PTPRD: variants seen among roughly 807,000 people sequenced by gnomAD.
The protein encoded by PTPRD is receptor-type tyrosine-protein phosphatase delta.
In PTPRD, 34 loss-of-function variants were observed where a neutral mutation model predicts 214.5. The observed-to-expected ratio is 0.16, with a 90% CI of 0.12 to 0.21. The LOEUF is 0.21. Ranked by LOEUF, PTPRD falls within the 10% of genes least tolerant of loss-of-function variation. PTPRD has a pLI of 1.00. For synonymous variants in PTPRD, 1,128 were observed against 845.7 expected (o/e 1.33, Z -5.79); for missense variants, 2,545 against 2,398.7 (o/e 1.06, Z -1.27).
At chr9:10,274,741 A>C (rs1405777047) in intron 3 of PTPRD, among the ~76,000 whole-genome samples, 2 of 152,146 alleles carry the variant, frequency 1.3e-5, no homozygotes, top group African/African-American at 4.8e-5. Context: ...TATTCCATTT[A>C]AATATTTTAA....
chr9:10,060,950 T>TTCTC (rs1217022209), intron 3 of PTPRD, among the ~76,000 whole-genome samples: 2 of 132,692 alleles, frequency 1.5e-5, no homozygotes, highest in South Asian at 2.4e-4. Context: ...CTTTCTTTCT[T>TTCTC]TCTCTCTCTT....
chr9:9,706,573 G>A (rs1366378947), intron 7 of PTPRD, among the ~76,000 whole-genome samples: 1 of 151,874 alleles, frequency 6.6e-6, no homozygotes, highest in Admixed American at 6.6e-5. Context: ...CCGAGTAGAT[G>A]GGACTACAGT....
At chr9:9,436,829 A>T (rs1158621706) in intron 8 of PTPRD, among the ~76,000 whole-genome samples, 1 of 152,038 alleles carries the variant, frequency 6.6e-6, no homozygotes, top group Non-Finnish European at 1.5e-5. Context: ...TGGTTCCTGG[A>T]GACTTCAGGC....
chr9:10,547,104 C>A (rs2060328729), intron 2 of PTPRD, among the ~76,000 whole-genome samples: 1 of 152,068 alleles, frequency 6.6e-6, no homozygotes, highest in South Asian at 2.1e-4. Context: ...AATAAACTTT[C>A]TTATTTCAAG....
intron 39 of PTPRD, among the ~76,000 whole-genome samples, chr9:8,354,186 T>G (rs910566992): frequency 1.3e-5 from 2 of 151,910 alleles, no homozygotes; most frequent in Admixed American, 6.6e-5. Flanking sequence ...ATTCTTTTTT[T>G]CACTTTTTCA....
intron 10 of PTPRD, among the ~76,000 whole-genome samples, chr9:9,055,879 T>C (rs1158287298): frequency 6.6e-6 from 1 of 151,516 alleles, no homozygotes; most frequent in Non-Finnish European, 1.5e-5. Context: ...ATGTTATATA[T>C]GTGCTATGAA....
At chr9:10,278,844 G>A (rs191757993) in intron 3 of PTPRD, among the ~76,000 whole-genome samples, 3 of 151,784 alleles carry the variant, frequency 2.0e-5, no homozygotes, top group Non-Finnish European at 2.9e-5. Context: ...GCGCGATCTC[G>A]GCTCACTGCA....
intron 3 of PTPRD, among the ~76,000 whole-genome samples, chr9:10,150,747 C>G (rs2099055418): frequency 6.6e-6 from 1 of 151,388 alleles, no homozygotes; most frequent in Non-Finnish European, 1.5e-5. Context: ...CCTGATACAT[C>G]AGTGGCATGG....
At chr9:9,277,467 A>G (rs1413668626) in intron 9 of PTPRD, among the ~76,000 whole-genome samples, 2 of 151,444 alleles carry the variant, frequency 1.3e-5, no homozygotes, top group Non-Finnish European at 3.0e-5. Flanking sequence ...TCTGAATAAT[A>G]TAAATAAAAA....
chr9:10,486,585 T>C (rs766312694), intron 2 of PTPRD, among the ~76,000 whole-genome samples: 10 of 152,160 alleles, frequency 6.6e-5, no homozygotes, highest in Non-Finnish European at 1.0e-4. Context: ...TTAATGAGTA[T>C]ATTATTTAAC....
At chr9:8,722,226 T>C (rs574387934) in intron 12 of PTPRD, among the ~76,000 whole-genome samples, 1 of 151,744 alleles carries the variant, frequency 6.6e-6, no homozygotes, top group Admixed American at 6.6e-5. Flanking sequence ...CAGGATCTCA[T>C]TTAAACTTCA....
intron 7 of PTPRD, among the ~76,000 whole-genome samples, chr9:9,633,038 T>C (rs1401562415): frequency 6.6e-6 from 1 of 152,140 alleles, no homozygotes; most frequent in Non-Finnish European, 1.5e-5. Flanking sequence ...TTCACGCCTA[T>C]AATCCCAGCA....
At chr9:8,686,580 G>C (rs182746702) in intron 12 of PTPRD, among the ~76,000 whole-genome samples, 1 of 152,120 alleles carries the variant, frequency 6.6e-6, no homozygotes, top group African/African-American at 2.4e-5. Context: ...AATAAGTGAA[G>C]GGGGGTCAAA....
chr9:10,325,635 C>T (rs941644613), intron 3 of PTPRD, among the ~76,000 whole-genome samples: 2 of 151,892 alleles, frequency 1.3e-5, no homozygotes, highest in African/African-American at 4.8e-5. Flanking sequence ...AGTCATGAGG[C>T]ATTAAAAATG....
intron 27 of PTPRD, among the ~76,000 whole-genome samples, chr9:8,491,397 ACTT>A (rs2097146143): frequency 6.6e-6 from 1 of 152,170 alleles, no homozygotes; most frequent in South Asian, 2.1e-4. Flanking sequence ...TAAATCCACT[ACTT>A]TCTTGTCATC....
intron 8 of PTPRD, among the ~76,000 whole-genome samples, chr9:9,535,431 G>C (rs2076312226): frequency 6.6e-6 from 1 of 152,080 alleles, no homozygotes; most frequent in Admixed American, 6.6e-5. Context: ...CAATTTGAAT[G>C]TTAGTTTGGT....
intron 7 of PTPRD, among the ~76,000 whole-genome samples, chr9:9,683,844 C>A (rs891860350): frequency 8.6e-5 from 13 of 151,526 alleles, no homozygotes; most frequent in African/African-American, 2.9e-4. Flanking sequence ...AGAGTGGCAT[C>A]TTTTTTAAGA....
intron 8 of PTPRD, among the ~76,000 whole-genome samples, chr9:9,457,993 T>A (rs1366955383): frequency 6.6e-6 from 1 of 152,108 alleles, no homozygotes; most frequent in African/African-American, 2.4e-5. Context: ...AAATAATAAG[T>A]GGTTTCACAT....
At chr9:10,324,395 TG>T (rs2096607372) in intron 3 of PTPRD, among the ~76,000 whole-genome samples, 1 of 152,072 alleles carries the variant, frequency 6.6e-6, no homozygotes, top group Non-Finnish European at 1.5e-5. Flanking sequence ...TCATTATTGA[TG>T]CAGAAATAAT....
Sources: gnomAD v4.1 joint callset for allele counts (sites outside exome capture counted in the v4.1 genomes callset) on GRCh38, gnomAD v4.1.1 for gene constraint, MANE v1.5 for transcripts, NCBI Gene and HGNC (gene_info 2026-07-23, HGNC 2026-07-21) for gene names.